PTPRS: variants seen among roughly 807,000 people sequenced by gnomAD.
PTPRS encodes protein tyrosine phosphatase receptor type S, also known as receptor-type tyrosine-protein phosphatase S.
PTPRS carries 63 observed loss-of-function variants against 215.3 expected under a neutral mutation model. That is an observed-to-expected ratio of 0.29 (90% CI 0.24 to 0.36). The LOEUF (loss-of-function observed/expected upper bound fraction) is 0.36. PTPRS is among the 10% of genes least tolerant of loss of function. PTPRS has a pLI of 1.00. For synonymous variants in PTPRS, 1,404 were observed against 1,191.4 expected, an observed-to-expected ratio of 1.18 and a Z score of -3.68; for missense variants, 2,258 against 2,825.8, an observed-to-expected ratio of 0.80 and a Z score of 4.56.
chr19:5,207,780 C>T (rs938070066), intron 37 of PTPRS, 142 bp downstream of exon 37: 132 of 1,216,980 alleles, frequency 1.1e-4, no homozygotes, highest in Non-Finnish European at 1.3e-4. Context: ...CCTTCCAGTG[C>T]GGGAGGGGTC....
At chr19:5,329,682 G>A (rs377756025) in intron 1 of PTPRS, among the ~76,000 whole-genome samples, 10 of 151,968 alleles carry the variant, frequency 6.6e-5, no homozygotes, top group African/African-American at 2.4e-4. Flanking sequence ...GGAGAATGGC[G>A]TGAACCCGGG....
chr19:5,270,892 G>A (rs1435759505), intron 4 of PTPRS, among the ~76,000 whole-genome samples: 1 of 152,142 alleles, frequency 6.6e-6, no homozygotes, highest in African/African-American at 2.4e-5. Flanking sequence ...TTGTCCACTT[G>A]CCTCGGCCTC....
At chr19:5,306,113 G>C (rs531431347) in intron 1 of PTPRS, among the ~76,000 whole-genome samples, 53 of 151,180 alleles carry the variant, frequency 3.5e-4, no homozygotes, top group African/African-American at 1.2e-3. Flanking sequence ...TTCTCATGAA[G>C]TTATTGATCA....
chr19:5,261,622 T>C (rs910882253), intron 6 of PTPRS, among the ~76,000 whole-genome samples: 1 of 152,172 alleles, frequency 6.6e-6, no homozygotes, highest in African/African-American at 2.4e-5. Flanking sequence ...GACCTCGATC[T>C]GCCAGGAGTG....
At chr19:5,234,980 G>C (rs1345734399) in intron 13 of PTPRS, among the ~76,000 whole-genome samples, 1 of 143,372 alleles carries the variant, frequency 7.0e-6, no homozygotes, top group South Asian at 2.2e-4. Flanking sequence ...TTGCTCTGTC[G>C]CCCAGGCTGG....
intron 29 of PTPRS, 31 bp from the exon 30 acceptor site, chr19:5,214,511 G>A: frequency 6.2e-7 from 1 of 1,613,382 alleles, no homozygotes; most frequent in Non-Finnish European, 8.5e-7. Context: ...GGTGTCAGCA[G>A]GGACAGGCTG....
At chr19:5,323,984 CT>C in intron 1 of PTPRS, among the ~76,000 whole-genome samples, 1 of 152,080 alleles carries the variant, frequency 6.6e-6, no homozygotes, top group East Asian at 1.9e-4. Flanking sequence ...AATACCAGCA[CT>C]TTGGGAGGCC....
intron 16 of PTPRS, among the ~76,000 whole-genome samples, chr19:5,228,980 T>G (rs894207854): frequency 7.2e-5 from 11 of 152,136 alleles, no homozygotes; most frequent in Non-Finnish European, 1.5e-4. Context: ...ACAGGAGAAA[T>G]GACTACGGGC....
Position 5,222,997 on chromosome 19 carries a change from G to A in PTPRS, c.2795C>T (p.Pro932Leu), listed in dbSNP as rs1156567371. 2 of 1,540,940 alleles carry A rather than the reference G, an allele frequency of 1.3e-6. No homozygotes were observed. Among genetic ancestry groups the A allele is most frequent in the Non-Finnish European group, 1.7e-6 (2 of 1,146,390 alleles). ...SIPEDTPRGH[P>L]QILEAAGNAS... is the part of the protein sequence containing the mutation. ...GTTGCCGGCCGCCTCCAGAATCTGC[G>A]GGTGGCCACGGGGCGTGTCCTCCGG... Residue 932 changes from proline to leucine, a missense_variant, in exon 18 of 38, where the codon CCG becomes CTG. Around this residue, in one of 6 missense-constraint regions of PTPRS, gnomAD observed 361 missense variants for 332.6 expected, o/e 1.09. Coordinates refer to ENST00000262963, the MANE Select transcript of PTPRS (RefSeq NM_002850.4).
Position 5,340,780 on chromosome 19 carries a change from G to C in PTPRS, c.-211C>G, listed in dbSNP as rs990239460. On this transcript the variant is annotated 5_prime_UTR_variant, in exon 1 of 38. Coordinates refer to ENST00000262963, the MANE Select transcript of PTPRS (RefSeq NM_002850.4). ...GCTCGCGGCGTGCGCGCGCCGGCCGGGCTGCCGGGCGGGCGGCGCGAGGAC... is the reference window on the plus strand; with the variant it reads ...GCTCGCGGCGTGCGCGCGCCGGCCGCGCTGCCGGGCGGGCGGCGCGAGGAC... 2.7e-5 allele frequency: 4 copies of C among 149,444 alleles called. No individual in the cohort carries two copies. The highest frequency in any genetic ancestry group is 4.5e-5 in the Non-Finnish European group (3 of 67,156). 9.3% of individuals were successfully genotyped at this position (149,444 alleles called of 1,614,324 possible).
At chr19:5,336,258 G>C (rs28403307) in intron 1 of PTPRS, among the ~76,000 whole-genome samples, 11,388 of 103,106 alleles carry the variant, frequency 0.11, 742 homozygotes, top group African/African-American at 0.22. Flanking sequence ...TTTCCTTAAA[G>C]GAAAAGGGGG....
rs1327912665 is a variant in PTPRS at position 5,211,054 on chromosome 19, C to G, written c.5235-249G>C. Among the ~76,000 whole-genome samples, 4 of 152,370 alleles carry G rather than the reference C, an allele frequency of 2.6e-5. No homozygotes were observed. In the East Asian group the frequency reaches 7.7e-4, roughly 29 times the overall value. ...CTGCGGGACTATCCACTAACCTCTC[C>G]TGATTTCTTCCCTCCATCTCCTTCA... On this transcript the variant is annotated intron_variant, in intron 33 of 37. Coordinates refer to ENST00000262963, the MANE Select transcript of PTPRS (RefSeq NM_002850.4).
intron 13 of PTPRS, 151 bp downstream of exon 13, chr19:5,238,768 G>T: frequency 1.8e-6 from 2 of 1,116,332 alleles, no homozygotes; most frequent in Non-Finnish European, 2.4e-6. Context: ...GCGGGTAGAT[G>T]GATCCGAGGT....
chr19:5,220,358 AG>A lies in PTPRS; in HGVS notation c.3456-6del. 1 of 1,611,892 alleles carries A rather than the reference AG, an allele frequency of 6.2e-7. No homozygotes were observed. Among genetic ancestry groups the A allele is most frequent in the Non-Finnish European group, 8.5e-7 (1 of 1,178,572 alleles). On this transcript the variant is annotated splice_polypyrimidine_tract_variant and splice_region_variant and intron_variant, in intron 20 of 37. Coordinates refer to ENST00000262963, the MANE Select transcript of PTPRS (RefSeq NM_002850.4). ...ACCATCACAATGAAATAGCTCCTGT[AG>A]GGAGATGGGAAAGAGTCAGAGGGGC...
chr19:5,277,957 G>C, intron 2 of PTPRS: 1 of 1,496,206 alleles, frequency 6.7e-7, no homozygotes, highest in Non-Finnish European at 9.2e-7. Context: ...AGTGGCTTCC[G>C]GAAGTTCCTG....
rs766379650 is a variant in PTPRS, at chr19:5,231,285, TCCCGGG to T, written c.2155+19_2155+24del. 7.0e-6 allele frequency: 11 copies of T among 1,572,992 alleles called. No homozygotes were observed. In the East Asian group the frequency reaches 2.3e-4, roughly 32 times the overall value. On this transcript the variant is annotated intron_variant, in intron 14 of 37. Coordinates refer to ENST00000262963, the MANE Select transcript of PTPRS (RefSeq NM_002850.4). ...GGGCCGGGCTGGGGCCTGCGGGGGG[TCCCGGG>T]CCTGGGGCAGGTACTTACCATCCTC...
chr19:5,305,746 A>AAAAAATAT, intron 1 of PTPRS, among the ~76,000 whole-genome samples: 1 of 105,714 alleles, frequency 9.5e-6, no homozygotes, highest in Non-Finnish European at 1.9e-5. Context: ...TAAATAAATA[A>AAAAAATAT]ATATATATAT....
Position 5,281,951 on chromosome 19 carries a change from C to T in PTPRS, c.91+4099G>A, listed in dbSNP as rs373238040. Among the ~76,000 whole-genome samples, 44 of 152,338 alleles carry T rather than the reference C, an allele frequency of 2.9e-4. No homozygotes were observed. The East Asian group carries it at 7.0e-3, about 24-fold the overall frequency. On this transcript the variant is annotated intron_variant, in intron 2 of 37. Coordinates refer to ENST00000262963, the MANE Select transcript of PTPRS (RefSeq NM_002850.4). Reference sequence around the variant, plus strand: ...TCTCATCTGGCAGCTTCAACCTCAGCTCGGCCAGCACCTCCCCTGGGGAGC... The same window carrying T: ...TCTCATCTGGCAGCTTCAACCTCAGTTCGGCCAGCACCTCCCCTGGGGAGC...
rs936839567 is a variant in PTPRS, at chr19:5,260,907, C to G, written c.578-85G>C. The G allele has an allele frequency of 4.0e-6, 6 of 1,501,046 alleles. No individual in the cohort carries two copies. The South Asian group carries it at 4.6e-5, about 12-fold the overall frequency. 93.0% of individuals were successfully genotyped at this position (1,501,046 alleles called of 1,614,324 possible). On this transcript the variant is annotated intron_variant, in intron 6 of 37. Coordinates refer to ENST00000262963, the MANE Select transcript of PTPRS (RefSeq NM_002850.4). ...GGGCCCCAGGGAAGCTGGGCTGGGC[C>G]GTAAGCCAGGCCTCAGCACTCTGCC...
Sources: allele counts gnomAD v4.1 joint callset (sites outside exome capture counted in the v4.1 genomes callset), GRCh38; gene constraint gnomAD v4.1.1; regional missense constraint gnomAD v4.1.1; transcripts MANE v1.5; gene names NCBI Gene and HGNC (gene_info 2026-07-23, HGNC 2026-07-21).